The following GPC6 variants were observed in gnomAD, a reference collection of about 807,000 sequenced individuals.
The protein encoded by GPC6 is glypican-6.
GPC6 carries 14 observed loss-of-function variants against 55.2 expected under a neutral mutation model. The ratio of observed to expected loss-of-function variants is 0.25; its 90% CI spans 0.17 to 0.40. The LOEUF is 0.40. Among genes scored for constraint, GPC6 ranks in the 10% least tolerant of loss-of-function variants. GPC6 has a pLI of 1.00. For synonymous variants in GPC6, 278 were observed against 259.6 expected (o/e 1.07, Z -0.68); for missense variants, 641 against 708.5 (o/e 0.90, Z 1.08).
chr13:93,991,967 A>G (rs1594648471), intron 3 of GPC6, among the ~76,000 whole-genome samples: 1 of 152,204 alleles, frequency 6.6e-6, no homozygotes, highest in African/African-American at 2.4e-5. Context: ...AAAACTATAT[A>G]TACATACATG....
intron 1 of GPC6, among the ~76,000 whole-genome samples, chr13:93,236,241 A>C (rs927389978): frequency 6.6e-6 from 1 of 152,070 alleles, no homozygotes; most frequent in African/African-American, 2.4e-5. Flanking sequence ...TATTCTTTTA[A>C]ATTTCAATAG....
chr13:93,408,492 A>T (rs1876377152), intron 1 of GPC6, among the ~76,000 whole-genome samples: 1 of 152,180 alleles, frequency 6.6e-6, no homozygotes, highest in South Asian at 2.1e-4. Flanking sequence ...TGTTGAAGCA[A>T]ACTGAGCAAT....
chr13:93,697,844 A>G (rs1165956010), intron 2 of GPC6, among the ~76,000 whole-genome samples: 4 of 152,160 alleles, frequency 2.6e-5, no homozygotes, highest in Non-Finnish European at 5.9e-5. Context: ...CCCTTTTCTT[A>G]TAATCCATCA....
At chr13:94,139,284 A>G (rs1280454215) in intron 4 of GPC6, among the ~76,000 whole-genome samples, 1 of 152,188 alleles carries the variant, frequency 6.6e-6, no homozygotes, top group African/African-American at 2.4e-5. Flanking sequence ...TGCATGTAAC[A>G]AAATTATTCT....
intron 4 of GPC6, chr13:94,188,012 A>G (rs1389008981): frequency 6.6e-6 from 1 of 152,190 alleles, no homozygotes; most frequent in Non-Finnish European, 1.5e-5. Context: ...GTGAGTAGAG[A>G]AGTGACACAC....
At chr13:93,564,977 A>G (rs1182768461) in intron 2 of GPC6, among the ~76,000 whole-genome samples, 2 of 152,348 alleles carry the variant, frequency 1.3e-5, no homozygotes, top group Middle Eastern at 3.4e-3. Context: ...AACCTTAGAT[A>G]GTAAAAAAGA....
rs77326486 is a variant in GPC6 at position 93,398,625 on chromosome 13, A to G, written c.161-146638A>G. 8.3e-3 allele frequency among the ~76,000 whole-genome samples: 1,260 copies of G among 152,290 alleles called. 20 individuals carry two copies. Among genetic ancestry groups the G allele is most frequent in the African/African-American group, 0.029 (1,187 of 41,564 alleles). On this transcript the variant is annotated intron_variant, in intron 1 of 8. Transcript: ENST00000377047. ...AGGGTATGGCATGTGTGGAATAATC[A>G]TTAATTAATGGCAGCTAGCATGCAC...
chr13:93,577,777 T>C (rs2139483930), intron 2 of GPC6, among the ~76,000 whole-genome samples: 1 of 152,222 alleles, frequency 6.6e-6, no homozygotes, highest in South Asian at 2.1e-4. Flanking sequence ...GTGGACATCC[T>C]TGTCTTGTTC....
chr13:93,411,356 T>C (rs931099479), intron 1 of GPC6, among the ~76,000 whole-genome samples: 1 of 152,156 alleles, frequency 6.6e-6, no homozygotes, highest in African/African-American at 2.4e-5. Context: ...CCTCCATTTA[T>C]TCCCAGCAAC....
chr13:93,459,748 ATTGTC>A (rs1292782657), intron 1 of GPC6, among the ~76,000 whole-genome samples: 1 of 152,068 alleles, frequency 6.6e-6, no homozygotes, highest in Non-Finnish European at 1.5e-5. Flanking sequence ...TTTCTTGGCT[ATTGTC>A]TTAAAATTTC....
chr13:94,107,173 T>A (rs1360049), intron 4 of GPC6, among the ~76,000 whole-genome samples: 11 of 152,038 alleles, frequency 7.2e-5, no homozygotes, highest in Admixed American at 5.2e-4. Context: ...ACGGAGGGAC[T>A]GAAGAAGTGA....
chr13:93,304,966 C>T (rs1256308694), intron 1 of GPC6, among the ~76,000 whole-genome samples: 2 of 152,140 alleles, frequency 1.3e-5, no homozygotes, highest in Non-Finnish European at 2.9e-5. Context: ...TTTATTCTAT[C>T]CTCCAGCCTT....
At chr13:94,206,183 T>C (rs1889896175) in intron 4 of GPC6, among the ~76,000 whole-genome samples, 1 of 152,202 alleles carries the variant, frequency 6.6e-6, no homozygotes, top group African/African-American at 2.4e-5. Context: ...ATCATACAAA[T>C]AGAAAAGCTC....
intron 1 of GPC6, among the ~76,000 whole-genome samples, chr13:93,252,871 A>T (rs1011631778): frequency 6.6e-6 from 1 of 152,260 alleles, no homozygotes; most frequent in African/African-American, 2.4e-5. Flanking sequence ...TAAGATCAAA[A>T]TTAAATTGTG....
chr13:94,117,306 T>G (rs944301493), intron 4 of GPC6, among the ~76,000 whole-genome samples: 1 of 152,122 alleles, frequency 6.6e-6, no homozygotes, highest in African/African-American at 2.4e-5. Context: ...TCCAAAGGTG[T>G]TGTATCCTGA....
At chr13:93,619,774 A>G (rs769709782) in intron 2 of GPC6, among the ~76,000 whole-genome samples, 14 of 152,018 alleles carry the variant, frequency 9.2e-5, no homozygotes, top group Non-Finnish European at 1.6e-4. Context: ...ACAATTTTGT[A>G]TTATTTGTGT....
At chr13:93,829,162 C>T (rs183644884) in intron 2 of GPC6, among the ~76,000 whole-genome samples, 1 of 151,370 alleles carries the variant, frequency 6.6e-6, no homozygotes, top group South Asian at 2.1e-4. Context: ...TTGATAACCT[C>T]AGAAGCATTA....
At chr13:93,748,088 A>G (rs1884461085) in intron 2 of GPC6, among the ~76,000 whole-genome samples, 1 of 152,220 alleles carries the variant, frequency 6.6e-6, no homozygotes, top group Admixed American at 6.5e-5. Flanking sequence ...TTATAATGGT[A>G]TGATAATCTG....
Position 93,830,315 on chromosome 13 carries a change from C to T in GPC6, c.481C>T (p.Leu161Phe). ...TGGNVNLEEM[L>F]NDFWARLLER... ...GGGTAATGTGAATCTGGAGGAAATG[C>T]TCAATGACTTTTGGGCTCGGCTCCT... Residue 161 changes from leucine to phenylalanine, a missense_variant, in exon 3 of 9, where the codon CTC (leucine) becomes TTC (phenylalanine). Transcript: ENST00000377047. 1.2e-6 allele frequency: 2 copies of T among 1,613,968 alleles called. No individual in the cohort carries two copies. Among genetic ancestry groups the T allele is most frequent in the South Asian group, 1.1e-5 (1 of 91,076 alleles).
Sources: allele counts gnomAD v4.1 joint callset (sites outside exome capture counted in the v4.1 genomes callset), GRCh38; gene constraint gnomAD v4.1.1; transcripts MANE v1.5; gene names NCBI Gene and HGNC (gene_info 2026-07-23, HGNC 2026-07-21).